The following BCO2 variants were observed in gnomAD, a reference collection of about 807,000 sequenced individuals.
BCO2 encodes beta-carotene oxygenase 2, also known as carotenoid-cleaving dioxygenase, mitochondrial.
BCO2 carries 56 observed loss-of-function variants against 65.8 expected under a neutral mutation model. That is an observed-to-expected ratio of 0.85 (90% CI 0.69 to 1.06). BCO2 has a LOEUF of 1.06. Ranked by LOEUF, BCO2 falls within the 50% of genes least tolerant of loss-of-function variation. BCO2 has a pLI of 0.00. For missense variants in BCO2, 675 were observed against 698.5 expected (o/e 0.97, Z 0.38); for synonymous variants, 233 against 242.3 (o/e 0.96, Z 0.36).
rs71060233 is a variant in BCO2 at position 112,215,737 on chromosome 11, C to CAA, written c.1516-475_1516-474dup. On this transcript the variant is annotated intron_variant, in intron 10 of 11. Transcript: ENST00000357685. Reference sequence around the variant, plus strand: ...ATCAAAACAAAACAAAACAAAAAAACAAAAAAAAACAAAAAAAAAAGGAAA... The same window carrying CAA: ...ATCAAAACAAAACAAAACAAAAAAACAAAAAAAAAAACAAAAAAAAAAGGAAA... 6.4e-3 allele frequency: 943 copies of CAA among 146,362 alleles called. 6 individuals are homozygous for CAA. Among genetic ancestry groups the CAA allele is most frequent in the Middle Eastern group, 0.018 (5 of 282 alleles). 9.1% of individuals were successfully genotyped at this position (146,362 alleles called of 1,614,324 possible).
chr11:112,195,633 G>A (rs537621493), intron 5 of BCO2, among the ~76,000 whole-genome samples: 5 of 151,782 alleles, frequency 3.3e-5, no homozygotes, highest in African/African-American at 9.7e-5. Context: ...AGTAGAGACG[G>A]GTTTTCAGCC....
chr11:112,212,374 G>A (rs7943468), intron 8 of BCO2, among the ~76,000 whole-genome samples: 2,737 of 152,266 alleles, frequency 0.018, 77 homozygotes, highest in African/African-American at 0.061. Flanking sequence ...GGTAGCTCAC[G>A]CCTGTAATTC....
Position 112,204,283 on chromosome 11 carries a change from T to A in BCO2, c.1194+2093T>A, listed in dbSNP as rs182148888. Among the ~76,000 whole-genome samples the A allele has an allele frequency of 6.6e-5, 10 of 152,352 alleles. No individual in the cohort carries two copies. In the East Asian group the frequency reaches 1.9e-3, roughly 29 times the overall value. On this transcript the variant is annotated intron_variant, in intron 8 of 11. Coordinates refer to ENST00000357685, the MANE Select transcript of BCO2 (RefSeq NM_031938.7). ...AGTAATACTCCATTGTGTGTATATA[T>A]CACATTTTCTTTATCCATTCATCTG...
Position 112,214,551 on chromosome 11 carries a change from T to C in BCO2, c.1333-211T>C, listed in dbSNP as rs559178125. Among the ~76,000 whole-genome samples the C allele has an allele frequency of 1.4e-4, 21 of 152,356 alleles. No homozygotes were observed. In the South Asian group the frequency reaches 4.1e-3, roughly 30 times the overall value. On this transcript the variant is annotated intron_variant, in intron 9 of 11. Transcript: ENST00000357685. ...GAATAAAACGCATATCTCCACCTCC[T>C]ATGTCATTTGACAGCTTATTAATAA...
At chr11:112,189,665 G>A (rs894625534) in intron 2 of BCO2, among the ~76,000 whole-genome samples, 9 of 152,112 alleles carry the variant, frequency 5.9e-5, no homozygotes, top group Non-Finnish European at 1.0e-4. Context: ...GCCTCCCAAA[G>A]TGCTGGGATT....
intron 5 of BCO2, among the ~76,000 whole-genome samples, chr11:112,196,510 C>T (rs922623786): frequency 6.6e-6 from 1 of 152,078 alleles, no homozygotes; most frequent in Non-Finnish European, 1.5e-5. Context: ...TTAATCAATC[C>T]AGTTGGTTTT....
intron 8 of BCO2, among the ~76,000 whole-genome samples, chr11:112,207,887 G>GT (rs71463412): frequency 0.2 from 29,223 of 145,304 alleles, 3,780 homozygotes; most frequent in Non-Finnish European, 0.29. Context: ...TTATTCCTAG[G>GT]TTTTTTTTTT....
At chr11:112,191,849 T>A (rs1867400107) in intron 2 of BCO2, among the ~76,000 whole-genome samples, 4 of 152,174 alleles carry the variant, frequency 2.6e-5, no homozygotes, top group Admixed American at 2.6e-4. Flanking sequence ...CTGATAATAG[T>A]GGCATCTCAA....
chr11:112,178,627 A>G (rs1457996817), intron 1 of BCO2, among the ~76,000 whole-genome samples: 5 of 152,232 alleles, frequency 3.3e-5, no homozygotes, highest in Non-Finnish European at 7.3e-5. Flanking sequence ...GTTCCTTATT[A>G]TACAACTATG....
intron 2 of BCO2, among the ~76,000 whole-genome samples, chr11:112,189,251 G>A (rs542415613): frequency 9.9e-5 from 15 of 152,238 alleles, no homozygotes; most frequent in African/African-American, 3.6e-4. Context: ...CACTTTGGGA[G>A]CTCAAGGCAG....
rs775196003 is a variant in BCO2 at position 112,175,557 on chromosome 11, C to T, written c.-45C>T. The T allele has an allele frequency of 7.0e-7, 1 of 1,432,774 alleles. No individual in the cohort carries two copies. Among genetic ancestry groups the T allele is most frequent in the African/African-American group, 1.4e-5 (1 of 71,256 alleles). 88.8% of individuals were successfully genotyped at this position (1,432,774 alleles called of 1,614,324 possible). ...ACTGTTTAGTAGTACTCAAAACTGC[C>T]AGTGTGAGAGGATTTGGAAATCACT... On this transcript the variant is annotated 5_prime_UTR_variant, in exon 1 of 12. Transcript: ENST00000357685.
chr11:112,193,494 G>A lies in BCO2; in HGVS notation c.314G>A (p.Gly105Glu). 6.2e-7 allele frequency: 1 copy of A among 1,613,990 alleles called. No individual in the cohort carries two copies. Among genetic ancestry groups the A allele is most frequent in the Non-Finnish European group, 8.5e-7 (1 of 1,179,986 alleles). ...TGAAGGTACAATCATTGGTTTGATG[G>A]GATGGCGCTGCTTCACCAGTTCAGA... ...GKDKYNHWFD[G>E]MALLHQFRMA... Residue 105 changes from glycine to glutamate, a missense_variant, in exon 3 of 12, where the codon GGG becomes GAG. Transcript: ENST00000357685.
chr11:112,200,739 C>A lies in BCO2; in HGVS notation c.992C>A (p.Thr331Lys). The A allele has an allele frequency of 6.2e-7, 1 of 1,613,840 alleles. No individual in the cohort carries two copies. Residue 331 changes from threonine to lysine, a missense_variant, in exon 7 of 12, where the codon ACG becomes AAG. By Grantham distance (78) the Thr-to-Lys change is moderately conservative. Transcript: ENST00000357685. The part of the protein sequence containing the change: ...DGISWEPQCN[T>K]RFHVVEKRTG... The stretch of plus-strand genomic sequence containing the variant: ...ATAAGCTGGGAACCCCAGTGTAATA[C>A]GCGGTTTCATGTGGTGGAAAAACGC...
In BCO2 at chr11:112,217,879, A is replaced by G. The variant is rs756580839; in HGVS notation, c.*5A>G. The G allele has an allele frequency of 1.3e-6, 2 of 1,586,006 alleles. No homozygotes were observed. Among genetic ancestry groups the G allele is most frequent in the South Asian group, 2.2e-5 (2 of 89,038 alleles). Reference sequence around the variant, plus strand: ...GGTACCTTCATACCCATCTGATGGGACAACCACAAGGTCTGGAAACTAGGT... The same window carrying G: ...GGTACCTTCATACCCATCTGATGGGGCAACCACAAGGTCTGGAAACTAGGT... On this transcript the variant is annotated 3_prime_UTR_variant, in exon 12 of 12. Coordinates refer to ENST00000357685, the MANE Select transcript of BCO2 (RefSeq NM_031938.7).
intron 10 of BCO2, 143 bp downstream of exon 10, chr11:112,215,087 C>A (rs1046129003): frequency 1.3e-6 from 1 of 786,958 alleles, no homozygotes; most frequent in Admixed American, 2.5e-5. Context: ...ACTATGAAAT[C>A]ATCTAAGTTA....
chr11:112,193,404 C>A, intron 2 of BCO2, 70 bp from the exon 3 acceptor site: 1 of 1,330,678 alleles, frequency 7.5e-7, no homozygotes, highest in South Asian at 1.3e-5. Flanking sequence ...AAATGAAGAT[C>A]TATCACTCTG....
intron 8 of BCO2, among the ~76,000 whole-genome samples, chr11:112,206,291 CAGAGGCACTCCTGGGGCGGCAGGGGCGG>C (rs1867867497): frequency 6.7e-6 from 1 of 148,250 alleles, no homozygotes; most frequent in Non-Finnish European, 1.5e-5. Flanking sequence ...GGCGGCTGGG[CAGAGGCACTCCTGGGGCGGCAGGGGCGG>C]CAGCTGGGCA....
Position 112,175,520 on chromosome 11 carries a change from C to A in BCO2, c.-82C>A. On this transcript the variant is annotated 5_prime_UTR_variant, in exon 1 of 12. The change creates a new upstream start codon in the 5' untranslated region. Coordinates refer to ENST00000357685, the MANE Select transcript of BCO2 (RefSeq NM_031938.7). ...TGAGGGAGGGACAGTCCAGGCAGTT[C>A]TGTGCGTGTTCACTGTTTAGTAGTA... is the stretch of plus-strand genomic sequence containing the variant. 1.0e-6 allele frequency: 1 copy of A among 998,892 alleles called. No homozygotes were observed. 61.9% of individuals were successfully genotyped at this position (998,892 alleles called of 1,614,324 possible). A position where few individuals can be genotyped will look rare whatever the true frequency, so the allele number is the denominator to read the frequency against.
chr11:112,214,764 C>G lies in BCO2; in HGVS notation c.1335C>G (p.Ile445Met). The G allele has an allele frequency of 6.2e-7, 1 of 1,611,882 alleles. No individual in the cohort carries two copies. Among genetic ancestry groups the G allele is most frequent in the African/African-American group, 1.3e-5 (1 of 74,960 alleles). ...AATCCTTTTGAAATCTCTTTTAGATCTGGTGCTCTCATGAAAATCTACATC... is the reference window on the plus strand; with the variant it reads ...AATCCTTTTGAAATCTCTTTTAGATGTGGTGCTCTCATGAAAATCTACATC... ...ASAVKQADGT[I>M]WCSHENLHQE... The change falls in exon 10 of 12, where the codon ATC (isoleucine) becomes ATG (methionine). Residue 445 changes from isoleucine to methionine, a missense_variant and splice_region_variant. By Grantham distance (10) the Ile-to-Met change is conservative (BLOSUM62 1). Coordinates refer to ENST00000357685, the MANE Select transcript of BCO2 (RefSeq NM_031938.7).
Sources: allele counts gnomAD v4.1 joint callset (sites outside exome capture counted in the v4.1 genomes callset), GRCh38; gene constraint gnomAD v4.1.1; transcripts MANE v1.5; gene names NCBI Gene and HGNC (gene_info 2026-07-23, HGNC 2026-07-21).